The following PPP1CB variants were observed in gnomAD, a reference collection of about 807,000 sequenced individuals.
PPP1CB encodes serine/threonine-protein phosphatase PP1-beta catalytic subunit.
PPP1CB carries 2 observed loss-of-function variants against 43.7 expected under a neutral mutation model. That is an observed-to-expected ratio of 0.05 (90% CI 0.02 to 0.14). The LOEUF (loss-of-function observed/expected upper bound fraction) is 0.14. Among genes scored for constraint, PPP1CB ranks in the 10% least tolerant of loss-of-function variants. The pLI is 1.00. For synonymous variants in PPP1CB, 136 were observed against 135.6 expected (o/e 1.00, Z -0.02); for missense variants, 84 against 398.0 (o/e 0.21, Z 6.71).
chr2:28,753,620 T>A (rs972972644), intron 1 of PPP1CB, among the ~76,000 whole-genome samples: 3 of 152,252 alleles, frequency 2.0e-5, no homozygotes, highest in Non-Finnish European at 4.4e-5. Context: ...TTGAGAAATT[T>A]GCTTTGAAAA....
chr2:28,754,098 CAATT>C (rs1221356985), intron 1 of PPP1CB, among the ~76,000 whole-genome samples: 5 of 152,036 alleles, frequency 3.3e-5, no homozygotes, highest in African/African-American at 9.7e-5. Context: ...GTTTGTATCT[CAATT>C]TATTTATATT....
chr2:28,776,821 A>C, intron 1 of PPP1CB, 30 bp from the exon 2 acceptor site: 1 of 1,575,426 alleles, frequency 6.3e-7, no homozygotes, highest in East Asian at 2.3e-5. Context: ...AAATTTTAGA[A>C]AACTGACTGT....
intron 6 of PPP1CB, among the ~76,000 whole-genome samples, chr2:28,792,090 C>T (rs1667399435): frequency 6.6e-6 from 1 of 152,022 alleles, no homozygotes; most frequent in African/African-American, 2.4e-5. Flanking sequence ...CCTGAAGTCC[C>T]AGCATTTTGG....
intron 6 of PPP1CB, among the ~76,000 whole-genome samples, chr2:28,791,636 A>G (rs1667387561): frequency 6.6e-6 from 1 of 152,100 alleles, no homozygotes; most frequent in Non-Finnish European, 1.5e-5. Flanking sequence ...CCTGACAAAT[A>G]GTTTTTTAAA....
At chr2:28,781,612 GTTC>G (rs924532521) in intron 3 of PPP1CB, 123 bp from the exon 4 acceptor site, 9 of 684,428 alleles carry the variant, frequency 1.3e-5, no homozygotes, top group African/African-American at 3.7e-5. Flanking sequence ...TGTAGAAAAA[GTTC>G]TTCTTTATAG....
chr2:28,767,080 CAA>C (rs70956037), intron 1 of PPP1CB, among the ~76,000 whole-genome samples: 50 of 141,992 alleles, frequency 3.5e-4, no homozygotes, highest in Admixed American at 9.9e-4. Context: ...GACTCCATCT[CAA>C]AAAAAAAAAA....
At chr2:28,753,882 C>T (rs911402458) in intron 1 of PPP1CB, among the ~76,000 whole-genome samples, 2 of 151,950 alleles carry the variant, frequency 1.3e-5, no homozygotes, top group Non-Finnish European at 2.9e-5. Context: ...TACAGGCACC[C>T]CGCCATCATG....
At chr2:28,795,648 G>A (rs1553312352) in intron 7 of PPP1CB, among the ~76,000 whole-genome samples, 2 of 152,086 alleles carry the variant, frequency 1.3e-5, no homozygotes, top group Non-Finnish European at 1.5e-5. Flanking sequence ...TTTTTAATGG[G>A]GTTGTTTTTT....
chr2:28,766,415 A>G (rs559998583), intron 1 of PPP1CB, among the ~76,000 whole-genome samples: 1 of 152,378 alleles, frequency 6.6e-6, no homozygotes, highest in Non-Finnish European at 1.5e-5. Flanking sequence ...ACTGCACCAG[A>G]CTTCAAACAT....
Position 28,799,308 on chromosome 2 carries a change from A to G in PPP1CB, c.*5A>G, listed in dbSNP as rs1458487148. ...AATCCGCCGAAGAAAAGGTGAAGAA[A>G]GGAATTCTGTAAAGAAACCATCAGA... is the stretch of plus-strand genomic sequence containing the variant. On this transcript the variant is annotated 3_prime_UTR_variant, in exon 8 of 8. Transcript: ENST00000395366. 6 of 1,577,288 alleles carry G rather than the reference A, an allele frequency of 3.8e-6. No homozygotes were observed. The Admixed American group carries it at 1.0e-4, about 26-fold the overall frequency.
intron 1 of PPP1CB, among the ~76,000 whole-genome samples, chr2:28,754,187 G>A (rs937329507): frequency 2.6e-5 from 4 of 151,982 alleles, no homozygotes; most frequent in African/African-American, 4.8e-5. Context: ...TTTTAAATTA[G>A]ACGCACCTTT....
At chr2:28,773,640 T>A (rs1666962805) in intron 1 of PPP1CB, among the ~76,000 whole-genome samples, 1 of 148,604 alleles carries the variant, frequency 6.7e-6, no homozygotes, top group Non-Finnish European at 1.5e-5. Context: ...CTAGTTGCCC[T>A]GTGTAACAGG....
intron 1 of PPP1CB, among the ~76,000 whole-genome samples, chr2:28,760,805 A>G (rs957319892): frequency 6.6e-6 from 1 of 152,240 alleles, no homozygotes; most frequent in African/African-American, 2.4e-5. Flanking sequence ...AGGAATCTTT[A>G]TAGGTACTTG....
chr2:28,786,110 C>G (rs1004630734), intron 5 of PPP1CB, among the ~76,000 whole-genome samples: 2 of 152,018 alleles, frequency 1.3e-5, no homozygotes, highest in Non-Finnish European at 2.9e-5. Context: ...AACAATAAAT[C>G]TTGACTCTGA....
At chr2:28,758,667 A>T (rs1196995181) in intron 1 of PPP1CB, among the ~76,000 whole-genome samples, 1 of 152,224 alleles carries the variant, frequency 6.6e-6, no homozygotes, top group East Asian at 1.9e-4. Context: ...ATACAGTAGG[A>T]AAAAGGGCGG....
At chr2:28,763,997 G>A (rs1572447897) in intron 1 of PPP1CB, among the ~76,000 whole-genome samples, 1 of 151,588 alleles carries the variant, frequency 6.6e-6, no homozygotes, top group Admixed American at 6.6e-5. Context: ...CACCATGCCC[G>A]GCCCACATTA....
At chr2:28,784,532 G>C (rs1667220696) in intron 5 of PPP1CB, among the ~76,000 whole-genome samples, 2 of 152,102 alleles carry the variant, frequency 1.3e-5, no homozygotes, top group Admixed American at 6.5e-5. Flanking sequence ...GTAGCTAGGG[G>C]ACTCCAGGCA....
intron 1 of PPP1CB, among the ~76,000 whole-genome samples, chr2:28,771,335 G>A (rs1240631442): frequency 6.6e-6 from 1 of 152,146 alleles, no homozygotes; most frequent in Non-Finnish European, 1.5e-5. Context: ...ACAGGCATGA[G>A]CCACTGTACT....
chr2:28,792,707 A>G (rs1378535127), intron 6 of PPP1CB, among the ~76,000 whole-genome samples: 11 of 152,238 alleles, frequency 7.2e-5, no homozygotes, highest in Non-Finnish European at 1.3e-4. Flanking sequence ...TTTAATAAGT[A>G]AATGCCTTCG....
Sources: allele counts gnomAD v4.1 joint callset (sites outside exome capture counted in the v4.1 genomes callset), GRCh38; gene constraint gnomAD v4.1.1; transcripts MANE v1.5; gene names NCBI Gene and HGNC (gene_info 2026-07-23, HGNC 2026-07-21).